CDH12: variants seen among roughly 807,000 people sequenced by gnomAD.
The protein encoded by CDH12 is cadherin-12.
Under a neutral mutation model 74.1 loss-of-function variants are expected in CDH12, and 41 were observed. The observed-to-expected ratio is 0.55, with a 90% CI of 0.43 to 0.72. The LOEUF (loss-of-function observed/expected upper bound fraction) is 0.72, where lower values mean the gene tolerates loss of function less well. Ranked by LOEUF, CDH12 falls within the 30% of genes least tolerant of loss-of-function variation. The pLI is 0.00. For missense variants in CDH12, 945 were observed against 977.2 expected, an observed-to-expected ratio of 0.97 and a Z score of 0.44; for synonymous variants, 399 against 355.0, an observed-to-expected ratio of 1.12 and a Z score of -1.39.
At chr5:21,944,397 C>T (rs1266995776) in intron 6 of CDH12, among the ~76,000 whole-genome samples, 2 of 152,034 alleles carry the variant, frequency 1.3e-5, no homozygotes, top group African/African-American at 4.8e-5. Flanking sequence ...CATACTGGTA[C>T]TATATGTTGC....
intron 1 of CDH12, among the ~76,000 whole-genome samples, chr5:22,729,975 T>C (rs186369656): frequency 5.5e-4 from 83 of 152,036 alleles, no homozygotes; most frequent in African/African-American, 1.9e-3. Context: ...ACAGTAAATG[T>C]AAGTTTTCAG....
intron 3 of CDH12, among the ~76,000 whole-genome samples, chr5:22,232,586 A>T (rs532571488): frequency 6.6e-6 from 1 of 151,848 alleles, no homozygotes; most frequent in Non-Finnish European, 1.5e-5. Context: ...TGACTGTTCA[A>T]TGAAATGATT....
At chr5:21,983,361 A>G (rs1334573853) in intron 5 of CDH12, among the ~76,000 whole-genome samples, 1 of 151,884 alleles carries the variant, frequency 6.6e-6, no homozygotes, top group Non-Finnish European at 1.5e-5. Context: ...TATCCATCTG[A>G]TTATATTTTC....
chr5:22,209,825 A>G (rs1751429144), intron 4 of CDH12, among the ~76,000 whole-genome samples: 1 of 152,162 alleles, frequency 6.6e-6, no homozygotes, highest in Admixed American at 6.5e-5. Context: ...TACAATATTC[A>G]TGAGTATCAT....
intron 2 of CDH12, among the ~76,000 whole-genome samples, chr5:22,449,300 T>C (rs1744951503): frequency 1.3e-5 from 2 of 152,020 alleles, no homozygotes; most frequent in African/African-American, 4.8e-5. Context: ...TTTGATGCAA[T>C]GTGAGTGTCT....
chr5:22,037,946 G>A (rs921976194), intron 5 of CDH12, among the ~76,000 whole-genome samples: 5 of 152,018 alleles, frequency 3.3e-5, no homozygotes, highest in Non-Finnish European at 7.4e-5. Context: ...GAAAAACAAA[G>A]CAAGAAAATC....
At position 22,357,998 on chromosome 5, in the gene CDH12, T is replaced by C. The variant is rs186590849; in HGVS notation, c.-333+47259A>G. On this transcript the variant is annotated intron_variant, in intron 3 of 14. Transcript: ENST00000382254. ...AAATGAGTTTTGAATATATGATTAA[T>C]ATTGTTAACTCCAGCACATCCTCTC... Among the ~76,000 whole-genome samples, 125 of 152,330 alleles carry C rather than the reference T, an allele frequency of 8.2e-4. 1 individual carries two copies. The highest frequency in any genetic ancestry group is 2.9e-3 in the African/African-American group (119 of 41,586).
chr5:22,725,813 A>G (rs138945849), intron 1 of CDH12, among the ~76,000 whole-genome samples: 1 of 151,750 alleles, frequency 6.6e-6, no homozygotes, highest in South Asian at 2.1e-4. Context: ...TGAGACAAAC[A>G]CCAGAAACTA....
At chr5:22,736,735 A>ACACAC (rs1561613032) in intron 1 of CDH12, among the ~76,000 whole-genome samples, 2 of 151,462 alleles carry the variant, frequency 1.3e-5, no homozygotes, top group African/African-American at 4.8e-5. Context: ...CACACACACA[A>ACACAC]AAAGCCTAGA....
intron 1 of CDH12, among the ~76,000 whole-genome samples, chr5:22,799,057 A>G (rs929468952): frequency 3.3e-5 from 5 of 152,142 alleles, no homozygotes; most frequent in African/African-American, 1.2e-4. Context: ...AAAGAGGTTG[A>G]AATGAGCAGA....
At chr5:22,804,579 G>GCAGCA (rs1748691563) in intron 1 of CDH12, among the ~76,000 whole-genome samples, 1 of 152,152 alleles carries the variant, frequency 6.6e-6, no homozygotes, top group Non-Finnish European at 1.5e-5. Flanking sequence ...CAGCCTTGAG[G>GCAGCA]TAGACCACCT....
At chr5:22,711,331 C>G (rs269033) in intron 1 of CDH12, among the ~76,000 whole-genome samples, 41,579 of 151,742 alleles carry the variant, frequency 0.27, 6,113 homozygotes, top group South Asian at 0.34. Flanking sequence ...AACAAAACAG[C>G]AAGGAGTTAA....
rs200629459 is a variant in CDH12 at position 22,520,976 on chromosome 5, C to CTTCT, written c.-522-15616_-522-15613dup. On this transcript the variant is annotated intron_variant, in intron 1 of 14. Coordinates refer to ENST00000382254, the MANE Select transcript of CDH12 (RefSeq NM_004061.5). ...GTGACAAGCAATCAAGCTTGCTCCC[C>CTTCT]TTCTTTCTTTCTTTCTTTTTTTTTT... Among the ~76,000 whole-genome samples the CTTCT allele has an allele frequency of 8.1e-4, 119 of 147,682 alleles. No individual in the cohort carries two copies. The East Asian group carries it at 0.021, about 27-fold the overall frequency.
intron 5 of CDH12, among the ~76,000 whole-genome samples, chr5:21,982,512 T>C (rs1313486630): frequency 1.3e-5 from 2 of 151,726 alleles, no homozygotes; most frequent in Non-Finnish European, 2.9e-5. Context: ...TCTATACCTA[T>C]ATAGAGAGAT....
chr5:21,849,973 TA>T (rs1191096263), intron 7 of CDH12, among the ~76,000 whole-genome samples: 2 of 151,634 alleles, frequency 1.3e-5, no homozygotes, highest in East Asian at 1.9e-4. Context: ...TATTCAACCT[TA>T]AAAAAGGAGA....
intron 10 of CDH12, among the ~76,000 whole-genome samples, chr5:21,796,857 G>A (rs1180496683): frequency 6.6e-6 from 1 of 151,992 alleles, no homozygotes; most frequent in Non-Finnish European, 1.5e-5. Flanking sequence ...CTAAACTCAA[G>A]AACTTGCTGT....
At position 21,770,175 on chromosome 5, in the gene CDH12, G is replaced by A. The variant is rs565513699; in HGVS notation, c.1394-5076C>T. Among the ~76,000 whole-genome samples the A allele has an allele frequency of 6.6e-5, 10 of 152,248 alleles. No individual in the cohort carries two copies. The South Asian group carries it at 8.3e-4, about 13-fold the overall frequency. On this transcript the variant is annotated intron_variant, in intron 11 of 14. Coordinates refer to ENST00000382254, the MANE Select transcript of CDH12 (RefSeq NM_004061.5). The stretch of plus-strand genomic sequence containing the variant: ...GCAGAGCTTCTTAAAATTGTACCTC[G>A]TAGATGTGTTTCCAAGAACCAAATG...
chr5:22,040,286 G>A (rs1739485719), intron 5 of CDH12, among the ~76,000 whole-genome samples: 1 of 152,002 alleles, frequency 6.6e-6, no homozygotes, highest in Non-Finnish European at 1.5e-5. Flanking sequence ...GAAACAAAGA[G>A]TGAAGACAGC....
chr5:21,879,629 A>G (rs1752136076), intron 6 of CDH12, among the ~76,000 whole-genome samples: 1 of 152,224 alleles, frequency 6.6e-6, no homozygotes, highest in African/African-American at 2.4e-5. Context: ...ATTTTGGTCA[A>G]TATATCATTA....
Sources: allele counts gnomAD v4.1 joint callset (sites outside exome capture counted in the v4.1 genomes callset), GRCh38; gene constraint gnomAD v4.1.1; transcripts MANE v1.5; gene names NCBI Gene and HGNC (gene_info 2026-07-23, HGNC 2026-07-21).